LMNTD2: variants seen among roughly 807,000 people sequenced by gnomAD.
The protein encoded by LMNTD2 is lamin tail domain-containing protein 2.
A neutral mutation model predicts 70.1 loss-of-function variants in LMNTD2; 83 were observed. The observed-to-expected ratio is 1.18, with a 90% CI of 0.99 to 1.42. The LOEUF is 1.42. LMNTD2 is among the 40% of genes most tolerant of loss of function. The pLI, the probability that LMNTD2 is intolerant of heterozygous loss-of-function variation, is 0.00. For missense variants in LMNTD2, 1,153 were observed against 905.9 expected (o/e 1.27, Z -3.50); for synonymous variants, 534 against 406.1 (o/e 1.31, Z -3.79).
chr11:557,665 T>A (rs202084192), intron 5 of LMNTD2, 25 bp from the exon 6 acceptor site: 8 of 1,612,950 alleles, frequency 5.0e-6, no homozygotes, highest in Non-Finnish European at 2.5e-6. Context: ...CGGAAGCCAG[T>A]GGGCAGGGGC....
chr11:558,132 C>G (rs374395873), intron 4 of LMNTD2, 29 bp downstream of exon 4: 1 of 1,611,656 alleles, frequency 6.2e-7, no homozygotes, highest in Admixed American at 1.7e-5. Context: ...ACACCAGGAC[C>G]CTGCCCACTC....
At position 558,859 on chromosome 11, in the gene LMNTD2, G is replaced by C. The variant is rs372775395; in HGVS notation, c.155C>G (p.Pro52Arg). The C allele has an allele frequency of 1.2e-6, 2 of 1,601,468 alleles. No homozygotes were observed. Among genetic ancestry groups the C allele is most frequent in the African/African-American group, 1.3e-5 (1 of 74,798 alleles). Residue 52 changes from proline to arginine, a missense_variant, in exon 2 of 14, where the codon CCG (proline) becomes CGG (arginine). Transcript: ENST00000329451. Reference protein sequence around the residue: ...HPAPVVCSADPQLALESLDPR... With the variant: ...HPAPVVCSADRQLALESLDPR... ...CAGTCCTCCCTCTCCTCCTTACTGC[G>C]GGTCGGCAGAGCAGACCACCGGTGC...
chr11:558,335 G>C, intron 3 of LMNTD2, 87 bp from the exon 4 acceptor site: 6 of 1,433,346 alleles, frequency 4.2e-6, no homozygotes, highest in Non-Finnish European at 5.7e-6. Context: ...GGGAGAAGGA[G>C]GGGCTCCACT....
intron 1 of LMNTD2, chr11:560,227 TG>T: frequency 1.3e-5 from 11 of 838,014 alleles, no homozygotes; most frequent in Non-Finnish European, 1.6e-5. Context: ...GAACAATCAA[TG>T]GCCCACACAG....
chr11:556,517 G>C lies in LMNTD2; in HGVS notation c.1048C>G (p.His350Asp). 1 of 1,555,588 alleles carries C rather than the reference G, an allele frequency of 6.4e-7. No individual in the cohort carries two copies. Among genetic ancestry groups the C allele is most frequent in the Non-Finnish European group, 8.7e-7 (1 of 1,149,664 alleles). The change falls in exon 9 of 14, where the codon CAC becomes GAC. Residue 350 changes from histidine to aspartate, a missense_variant. Transcript: ENST00000329451. ...LSPQPCTDPD[H>D]WSPELLQSPT... ...CTCTGCAGGAGTTCCGGGCTCCAGT[G>C]GTCCGGGTCTGTGCAGGGCTGGGGC... is the stretch of plus-strand genomic sequence containing the variant.
In LMNTD2 at chr11:558,723, A is replaced by G; in HGVS notation, c.202T>C (p.Trp68Arg). ...TGGATCTCCAGTTCTCGCTGTCTCC[A>G]CAGCAGCCGCAGTGTGCGAGGGTCC... ...SLDPRTLRLLWRQRELEIQAL... is the reference protein window; with the variant it reads ...SLDPRTLRLLRRQRELEIQAL... Residue 68 changes from tryptophan (W) to arginine (R), a missense_variant, in exon 3 of 14, where the codon TGG becomes CGG. Physicochemically the swap from Trp to Arg is moderately radical, Grantham distance 101. Coordinates refer to ENST00000329451, the MANE Select transcript of LMNTD2 (RefSeq NM_173573.3). The G allele has an allele frequency of 6.2e-7, 1 of 1,607,762 alleles. No homozygotes were observed. The highest frequency in any genetic ancestry group is 8.5e-7 in the Non-Finnish European group (1 of 1,177,992).
chr11:557,872 G>T lies in LMNTD2; in HGVS notation c.555+12C>A, dbSNP rs780621355. ...GCAGCCTGGGGCAGGAGGGCTTGGGGGACAGGCTCACCTCCACACTGCCAG... is the reference window on the plus strand; with the variant it reads ...GCAGCCTGGGGCAGGAGGGCTTGGGTGACAGGCTCACCTCCACACTGCCAG... On this transcript the variant is annotated intron_variant, in intron 5 of 13. Coordinates refer to ENST00000329451, the MANE Select transcript of LMNTD2 (RefSeq NM_173573.3). 10 of 1,554,946 alleles carry T rather than the reference G, an allele frequency of 6.4e-6. No individual in the cohort carries two copies. In the East Asian group the frequency reaches 1.9e-4, roughly 29 times the overall value.
At position 558,212 on chromosome 11, in the gene LMNTD2, C is replaced by A. The variant is rs1476060911; in HGVS notation, c.348G>T (p.Gln116His). 6.2e-7 allele frequency: 1 copy of A among 1,613,618 alleles called. No individual in the cohort carries two copies. Among genetic ancestry groups the A allele is most frequent in the Non-Finnish European group, 8.5e-7 (1 of 1,179,866 alleles). ...TCAACTCCTGGATCAGCTTCTGGACCTGGTTCTGCAGGAGTTTCTCCTGAC... is the reference window on the plus strand; with the variant it reads ...TCAACTCCTGGATCAGCTTCTGGACATGGTTCTGCAGGAGTTTCTCCTGAC... Reference protein sequence around the residue: ...SHSQEKLLQNQVQKLIQELKE... With the variant: ...SHSQEKLLQNHVQKLIQELKE... Residue 116 changes from glutamine to histidine, a missense_variant, in exon 4 of 14, where the codon CAG becomes CAT. Physicochemically the swap from Gln to His is conservative, Grantham distance 24. Coordinates refer to ENST00000329451, the MANE Select transcript of LMNTD2 (RefSeq NM_173573.3).
At chr11:556,413 G>A in intron 9 of LMNTD2, 38 bp from the exon 10 acceptor site, 3 of 1,541,772 alleles carry the variant, frequency 1.9e-6, no homozygotes, top group South Asian at 1.2e-5. Context: ...GATGCGGCCG[G>A]TCCACCCGCA....
Position 556,016 on chromosome 11 carries a change from G to A in LMNTD2, c.1357C>T (p.Leu453Phe). ...LLSIRGCATL[L>F]LSPKGEVLSE... is the part of the protein sequence containing the mutation. ...CCGACCTCGCCCTTGGGGCTCAGGA[G>A]CAGCGTCGCGCAGCCGCGGATGGAG... The change falls in exon 11 of 14, where the codon CTC becomes TTC. Residue 453 changes from leucine to phenylalanine, a missense_variant. Transcript: ENST00000329451. The A allele has an allele frequency of 1.3e-6, 2 of 1,557,750 alleles. No individual in the cohort carries two copies. The highest frequency in any genetic ancestry group is 1.4e-5 in the African/African-American group (1 of 70,768).
At chr11:556,814 G>T in intron 8 of LMNTD2, 21 bp downstream of exon 8, 1 of 1,538,552 alleles carries the variant, frequency 6.5e-7, no homozygotes. Flanking sequence ...GGGTAACCAG[G>T]GGAGACCCGC....
rs1852841055 is a variant in LMNTD2, at chr11:556,008, G to A, written c.1365C>T (p.Ser455=). Residue 455 remains serine, a synonymous_variant, in exon 11 of 14, where the codon AGC becomes AGT. Coordinates refer to ENST00000329451, the MANE Select transcript of LMNTD2 (RefSeq NM_173573.3). ...SIRGCATLLL[S]PKGEVLSEHR... ...GACCCGCACCGACCTCGCCCTTGGG[G>A]CTCAGGAGCAGCGTCGCGCAGCCGC... is the stretch of plus-strand genomic sequence containing the variant. The A allele has an allele frequency of 1.3e-6, 2 of 1,558,962 alleles. No individual in the cohort carries two copies. Among genetic ancestry groups the A allele is most frequent in the Admixed American group, 3.6e-5 (2 of 55,838 alleles).
chr11:558,067 G>GT, intron 4 of LMNTD2, 28 bp from the exon 5 acceptor site: 1 of 1,587,224 alleles, frequency 6.3e-7, no homozygotes, highest in Non-Finnish European at 8.6e-7. Context: ...GTGGTTGGTG[G>GT]TGGGGGGGTG....
chr11:557,424 T>C lies in LMNTD2; in HGVS notation c.688A>G (p.Asn230Asp). The change falls in exon 7 of 14, where the codon AAC (asparagine) becomes GAC (aspartate). Residue 230 changes from asparagine (N) to aspartate (D), a missense_variant. Transcript: ENST00000329451. ...VARRYPNLFT[N>D]MEPSSKQKQP... ...TTTTGCTTTGAGCTGGGCTCCATGT[T>C]GGTGAAGAGGTTGGGATACCGGCGG... The C allele has an allele frequency of 6.2e-7, 1 of 1,608,800 alleles. No homozygotes were observed. The highest frequency in any genetic ancestry group is 8.5e-7 in the Non-Finnish European group (1 of 1,177,530).
chr11:558,766 C>T lies in LMNTD2; in HGVS notation c.159G>A (p.Gln53=), dbSNP rs890678548. The change falls in exon 3 of 14, where the codon CAG becomes CAA. Residue 53 remains glutamine, a splice_region_variant and synonymous_variant. Transcript: ENST00000329451. ...GAGGGTCCAGGGACTCAAGAGCCAA[C>T]CTGCAGCGGCAGCAGACCCTGCTGC... ...PAPVVCSADP[Q]LALESLDPRT... 1 of 1,604,516 alleles carries T rather than the reference C, an allele frequency of 6.2e-7. No individual in the cohort carries two copies. Among genetic ancestry groups the T allele is most frequent in the South Asian group, 1.1e-5 (1 of 90,728 alleles).
rs186432771 is a variant in LMNTD2, at chr11:556,623, C to A, written c.977-35G>T. ...GCAGCGCTTTTGGGGAGGGGACCCT[C>A]GAATGGAGTCCCCACCGGATGTTCC... On this transcript the variant is annotated intron_variant, in intron 8 of 13. Transcript: ENST00000329451. The A allele has an allele frequency of 1.1e-4, 167 of 1,461,440 alleles. No homozygotes were observed. In the African/African-American group the frequency reaches 2.2e-3, roughly 20 times the overall value. 90.5% of individuals were successfully genotyped at this position (1,461,440 alleles called of 1,614,324 possible).
chr11:556,513 C>T lies in LMNTD2; in HGVS notation c.1052G>A (p.Trp351Ter). Residue 351 changes from tryptophan (W) to a stop codon, truncating the protein, a stop_gained, in exon 9 of 14, where the codon TGG (tryptophan) becomes TAG (stop). Transcript: ENST00000329451. LOFTEE classifies it high-confidence loss of function. ...SPQPCTDPDH[W>*]SPELLQSPTG... ...TTACCTCTGCAGGAGTTCCGGGCTC[C>T]AGTGGTCCGGGTCTGTGCAGGGCTG... 1.3e-6 allele frequency: 2 copies of T among 1,554,416 alleles called. No individual in the cohort carries two copies. The highest frequency in any genetic ancestry group is 8.7e-7 in the Non-Finnish European group (1 of 1,149,060).
chr11:559,652 C>T, intron 1 of LMNTD2: 1 of 1,179,432 alleles, frequency 8.5e-7, no homozygotes, highest in South Asian at 1.6e-5. Context: ...GCCAGCCCAG[C>T]ATAGCCATGG....
Position 558,171 on chromosome 11 carries a change from C to A in LMNTD2, c.389G>T (p.Arg130Leu). The A allele has an allele frequency of 6.2e-7, 1 of 1,613,472 alleles. No homozygotes were observed. The highest frequency in any genetic ancestry group is 1.1e-5 in the South Asian group (1 of 91,088). ...GTGCCCCTGCCTCACCCACTGGGCT[C>A]GCTCCTTCTGTTCCTTCAACTCCTG... ...LIQELKEQKE[R>L]AQWEKEHLEE... is the part of the protein sequence containing the mutation. Residue 130 changes from arginine (R) to leucine (L), a missense_variant, in exon 4 of 14, where the codon CGA (arginine) becomes CTA (leucine). Arg to Leu is a moderately radical substitution (Grantham distance 102). Coordinates refer to ENST00000329451, the MANE Select transcript of LMNTD2 (RefSeq NM_173573.3).
Sources: gnomAD v4.1 joint callset for allele counts on GRCh38, gnomAD v4.1.1 for gene constraint, MANE v1.5 for transcripts, NCBI Gene and HGNC (gene_info 2026-07-23, HGNC 2026-07-21) for gene names.